Variants in CELF1 observed in about 807,000 individuals in gnomAD.
CELF1 encodes the protein 50 kDa nuclear polyadenylated RNA-binding protein.
In CELF1, 10 loss-of-function variants were observed where a neutral mutation model predicts 61.8. That is an observed-to-expected ratio of 0.16 (90% CI 0.10 to 0.27). CELF1 has a LOEUF of 0.27. Ranked by LOEUF, CELF1 falls within the 10% of genes least tolerant of loss-of-function variation. The pLI is 1.00. For synonymous variants in CELF1, 236 were observed against 225.1 expected (o/e 1.05, Z -0.43); for missense variants, 380 against 639.1 (o/e 0.59, Z 4.37).
chr11:47,482,672 G>A (rs766132705), intron 9 of CELF1, 23 bp downstream of exon 9: 2 of 1,606,668 alleles, frequency 1.2e-6, no homozygotes, highest in Admixed American at 1.7e-5. Flanking sequence ...ACAGTCTGCA[G>A]AAAGCAAACC....
chr11:47,482,742 A>G lies in CELF1; in HGVS notation c.721T>C (p.Trp241Arg). ...GTATTTAGACCAGCAAGGTTTCCCC[A>G]CACAGATGCTGCGCTGATTTGCTGC... Reference protein sequence around the residue: ...QMQQISAASVWGNLAGLNTLG... With the variant: ...QMQQISAASVRGNLAGLNTLG... Residue 241 changes from tryptophan to arginine, a missense_variant, in exon 9 of 15, where the codon TGG (tryptophan) becomes CGG (arginine). Coordinates refer to ENST00000687097, the MANE Select transcript of CELF1 (RefSeq NM_001376376.1). 1 of 1,614,172 alleles carries G rather than the reference A, an allele frequency of 6.2e-7. No homozygotes were observed.
At chr11:47,522,647 G>A (rs546571378) in intron 1 of CELF1, among the ~76,000 whole-genome samples, 1 of 152,156 alleles carries the variant, frequency 6.6e-6, no homozygotes, top group Admixed American at 6.6e-5. Context: ...GGCCAACGTG[G>A]TGAAACCCCA....
chr11:47,476,834 G>A lies in CELF1; in HGVS notation c.1087+12C>T. 1 of 1,592,952 alleles carries A rather than the reference G, an allele frequency of 6.3e-7. No homozygotes were observed. The highest frequency in any genetic ancestry group is 1.1e-5 in the South Asian group (1 of 90,678). The stretch of plus-strand genomic sequence containing the variant: ...AAGAATAGTCTGATGACAGCCAGGT[G>A]CTGCCCCTTACCTGCCAAAGAGCCA... On this transcript the variant is annotated intron_variant, in intron 12 of 14. Coordinates refer to ENST00000687097, the MANE Select transcript of CELF1 (RefSeq NM_001376376.1).
intron 1 of CELF1, among the ~76,000 whole-genome samples, chr11:47,525,665 G>GT (rs2096202077): frequency 6.6e-6 from 1 of 152,128 alleles, no homozygotes; most frequent in Non-Finnish European, 1.5e-5. Context: ...CAAAACCATA[G>GT]TATCAGTGAC....
chr11:47,500,484 C>T (rs1162145152), intron 2 of CELF1, among the ~76,000 whole-genome samples: 1 of 152,020 alleles, frequency 6.6e-6, no homozygotes, highest in Non-Finnish European at 1.5e-5. Context: ...GTTGTCCTTT[C>T]TAAAGAAACA....
intron 3 of CELF1, among the ~76,000 whole-genome samples, chr11:47,492,636 G>A (rs2091986169): frequency 6.6e-6 from 1 of 152,116 alleles, no homozygotes; most frequent in African/African-American, 2.4e-5. Context: ...GGAGGCTAAG[G>A]CACAAGAATC....
intron 9 of CELF1, among the ~76,000 whole-genome samples, chr11:47,481,770 T>A (rs1274584016): frequency 6.6e-6 from 1 of 152,210 alleles, no homozygotes; most frequent in African/African-American, 2.4e-5. Context: ...AATCACAAAT[T>A]GGGGCGAGAC....
intron 1 of CELF1, among the ~76,000 whole-genome samples, chr11:47,529,965 C>G (rs1366502709): frequency 1.3e-5 from 2 of 152,108 alleles, no homozygotes; most frequent in African/African-American, 4.8e-5. Flanking sequence ...TTGCCTTATG[C>G]CTCAGTTTGT....
chr11:47,517,718 T>C (rs1203524485), intron 1 of CELF1, among the ~76,000 whole-genome samples: 3 of 151,588 alleles, frequency 2.0e-5, no homozygotes, highest in Non-Finnish European at 4.4e-5. Context: ...AATGGCGCAA[T>C]ATTGGCTCAC....
At chr11:47,504,902 C>CAAAA (rs374401044) in intron 1 of CELF1, among the ~76,000 whole-genome samples, 1 of 107,922 alleles carries the variant, frequency 9.3e-6, no homozygotes, top group African/African-American at 3.6e-5. Flanking sequence ...ACTCTGTCAC[C>CAAAA]AAAAAAAAAA....
At chr11:47,517,204 C>A (rs1389710826) in intron 1 of CELF1, among the ~76,000 whole-genome samples, 1 of 149,820 alleles carries the variant, frequency 6.7e-6, no homozygotes, top group Non-Finnish European at 1.5e-5. Context: ...TGTGATCATG[C>A]CACTGCACTC....
intron 1 of CELF1, among the ~76,000 whole-genome samples, chr11:47,509,361 G>T (rs1005683255): frequency 3.9e-5 from 6 of 152,180 alleles, no homozygotes; most frequent in African/African-American, 1.4e-4. Context: ...CAAGAACCAG[G>T]AAGTACACAG....
chr11:47,516,463 T>A (rs762428485), intron 1 of CELF1, among the ~76,000 whole-genome samples: 6 of 152,194 alleles, frequency 3.9e-5, no homozygotes, highest in Admixed American at 6.5e-5. Flanking sequence ...CTACAGCTGA[T>A]AATTAAGCTC....
intron 3 of CELF1, 114 bp downstream of exon 3, chr11:47,499,339 T>C: frequency 1.3e-6 from 1 of 770,236 alleles, no homozygotes; most frequent in South Asian, 1.7e-5. Flanking sequence ...TTGTTTTGGC[T>C]TCTTTCCCCA....
chr11:47,487,185 G>C lies in CELF1; in HGVS notation c.316C>G (p.Leu106Val). Residue 106 changes from leucine to valine, a missense_variant, in exon 5 of 15, where the codon CTT (leucine) becomes GTT (valine). Physicochemically the swap from Leu to Val is conservative, Grantham distance 32 (BLOSUM62 1). Coordinates refer to ENST00000687097, the MANE Select transcript of CELF1 (RefSeq NM_001376376.1). The part of the protein sequence containing the change: ...RKAALEAQNA[L>V]HNMKVLPGMH... Reference sequence around the variant, plus strand: ...CCTGGGAGGACTTTCATGTTGTGAAGAGCATTCTGAGCTTCTAATGCAGCT... The same window carrying C: ...CCTGGGAGGACTTTCATGTTGTGAACAGCATTCTGAGCTTCTAATGCAGCT... 1.2e-6 allele frequency: 2 copies of C among 1,612,370 alleles called. No individual in the cohort carries two copies. Among genetic ancestry groups the C allele is most frequent in the Non-Finnish European group, 1.7e-6 (2 of 1,179,764 alleles).
At position 47,468,549 on chromosome 11, in the gene CELF1, A is replaced by C. The variant is rs897982287; in HGVS notation, c.*3681T>G. 6 of 152,666 alleles carry C rather than the reference A, an allele frequency of 3.9e-5. No homozygotes were observed. Among genetic ancestry groups the C allele is most frequent in the African/African-American group, 1.2e-4 (5 of 41,462 alleles). The allele number at this position is 152,666 out of a possible 1,614,324, so 9.5% of individuals were successfully genotyped here. On this transcript the variant is annotated 3_prime_UTR_variant, in exon 15 of 15. Coordinates refer to ENST00000687097, the MANE Select transcript of CELF1 (RefSeq NM_001376376.1). ...GTGCTAGTAGGGCTGCTCTGAAGACAATTACAAAGAATTGGAATCACAAAA... is the reference window on the plus strand; with the variant it reads ...GTGCTAGTAGGGCTGCTCTGAAGACCATTACAAAGAATTGGAATCACAAAA...
At chr11:47,552,072 A>G (rs1221895532) in intron 1 of CELF1, among the ~76,000 whole-genome samples, 1 of 152,064 alleles carries the variant, frequency 6.6e-6, no homozygotes, top group Non-Finnish European at 1.5e-5. Context: ...GTAACCTCTT[A>G]CACTGCACAC....
chr11:47,480,641 T>A (rs946224706), intron 9 of CELF1, among the ~76,000 whole-genome samples: 1 of 152,210 alleles, frequency 6.6e-6, no homozygotes, highest in Non-Finnish European at 1.5e-5. Context: ...GCATAGCATG[T>A]AGACCATTTT....
At chr11:47,518,081 A>G (rs1161884820) in intron 1 of CELF1, among the ~76,000 whole-genome samples, 1 of 152,232 alleles carries the variant, frequency 6.6e-6, no homozygotes, top group South Asian at 2.1e-4. Context: ...TCGTGGAACT[A>G]TAAAGCACAA....
Sources: allele counts gnomAD v4.1 joint callset (sites outside exome capture counted in the v4.1 genomes callset), GRCh38; gene constraint gnomAD v4.1.1; transcripts MANE v1.5; gene names NCBI Gene and HGNC (gene_info 2026-07-23, HGNC 2026-07-21).